The following SLC1A1 variants were observed in gnomAD, a reference collection of about 807,000 sequenced individuals.
SLC1A1 encodes excitatory amino acid transporter 3.
A neutral mutation model predicts 53.3 loss-of-function variants in SLC1A1; 43 were observed. The observed-to-expected ratio is 0.81, with a 90% CI of 0.63 to 1.04. The LOEUF is 1.04. Ranked by LOEUF, SLC1A1 falls within the 50% of genes least tolerant of loss-of-function variation. SLC1A1 has a pLI of 0.00. For missense variants in SLC1A1, 748 were observed against 664.9 expected (o/e 1.12, Z -1.37); for synonymous variants, 307 against 243.2 (o/e 1.26, Z -2.44).
intron 1 of SLC1A1, among the ~76,000 whole-genome samples, chr9:4,532,712 A>T (rs1361421102): frequency 6.6e-6 from 1 of 152,162 alleles, no homozygotes; most frequent in Non-Finnish European, 1.5e-5. Context: ...AATACAGAGA[A>T]CGCCACAAAG....
chr9:4,522,581 G>A (rs775917378), intron 1 of SLC1A1, among the ~76,000 whole-genome samples: 8 of 152,046 alleles, frequency 5.3e-5, no homozygotes, highest in African/African-American at 7.2e-5. Flanking sequence ...AAGAAATACC[G>A]GAGACTGGGT....
rs145391859 is a variant in SLC1A1, at chr9:4,524,877, G to A, written c.92-19690G>A. 4.7e-3 allele frequency among the ~76,000 whole-genome samples: 719 copies of A among 152,214 alleles called. 3 individuals are homozygous for A. Among genetic ancestry groups the A allele is most frequent in the Non-Finnish European group, 7.5e-3 (511 of 68,000 alleles). ...AGAACTAATCCAGTCCTGCCAGAGT[G>A]AGAACTCGCTACTGCAAGAATAGCA... is the stretch of plus-strand genomic sequence containing the variant. On this transcript the variant is annotated intron_variant, in intron 1 of 11. Coordinates refer to ENST00000262352, the MANE Select transcript of SLC1A1 (RefSeq NM_004170.6).
intron 1 of SLC1A1, among the ~76,000 whole-genome samples, chr9:4,536,140 A>G (rs911259090): frequency 6.6e-6 from 1 of 152,200 alleles, no homozygotes; most frequent in Non-Finnish European, 1.5e-5. Context: ...ATGGGCAAGG[A>G]CTTCATGTCT....
chr9:4,585,747 G>A lies in SLC1A1; in HGVS notation c.*189G>A. ...CTGGGTTTTGGGATTTGGGTGTGGG[G>A]TAAGTTGAAGGGAAATCAATTTAAA... On this transcript the variant is annotated 3_prime_UTR_variant, in exon 12 of 12. Coordinates refer to ENST00000262352, the MANE Select transcript of SLC1A1 (RefSeq NM_004170.6). 1.5e-6 allele frequency: 1 copy of A among 664,976 alleles called. No homozygotes were observed. The highest frequency in any genetic ancestry group is 2.5e-6 in the Non-Finnish European group (1 of 394,118). 41.2% of individuals were successfully genotyped at this position (664,976 alleles called of 1,614,324 possible). A position where few individuals can be genotyped will look rare whatever the true frequency, so the allele number is the denominator to read the frequency against.
At chr9:4,514,084 G>A (rs998462575) in intron 1 of SLC1A1, among the ~76,000 whole-genome samples, 15 of 152,190 alleles carry the variant, frequency 9.9e-5, no homozygotes, top group East Asian at 1.9e-4. Context: ...GCTCTTTGGC[G>A]TGATGGAGCT....
chr9:4,575,646 T>A (rs1820474064), intron 8 of SLC1A1, among the ~76,000 whole-genome samples: 2 of 152,168 alleles, frequency 1.3e-5, no homozygotes, highest in South Asian at 4.1e-4. Context: ...TATCTGAGTC[T>A]TAAGAGGAGA....
chr9:4,516,076 C>G (rs916586447), intron 1 of SLC1A1, among the ~76,000 whole-genome samples: 1 of 152,202 alleles, frequency 6.6e-6, no homozygotes, highest in Admixed American at 6.5e-5. Flanking sequence ...CACACTGGTA[C>G]AGGAGCTTTC....
At chr9:4,492,388 A>G (rs765633195) in intron 1 of SLC1A1, among the ~76,000 whole-genome samples, 18 of 151,736 alleles carry the variant, frequency 1.2e-4, no homozygotes, top group Non-Finnish European at 2.1e-4. Flanking sequence ...AGGCTGAGGC[A>G]GGAGAATTGC....
At chr9:4,510,521 C>G (rs551062776) in intron 1 of SLC1A1, among the ~76,000 whole-genome samples, 3 of 152,288 alleles carry the variant, frequency 2.0e-5, no homozygotes, top group African/African-American at 7.2e-5. Context: ...AGTCTAGAAA[C>G]AGTACCTGGC....
At position 4,585,485 on chromosome 9, in the gene SLC1A1, A is replaced by C; in HGVS notation, c.1502A>C (p.Lys501Thr). 1 of 1,614,240 alleles carries C rather than the reference A, an allele frequency of 6.2e-7. No individual in the cohort carries two copies. The highest frequency in any genetic ancestry group is 8.5e-7 in the Non-Finnish European group (1 of 1,180,030). Reference protein sequence around the residue: ...ILDNEDSDTKKSYVNGGFAVD... With the variant: ...ILDNEDSDTKTSYVNGGFAVD... ...GACAACGAAGACTCAGACACCAAGA[A>C]GTCTTATGTCAATGGAGGCTTTGCA... is the stretch of plus-strand genomic sequence containing the variant. The change falls in exon 12 of 12, where the codon AAG becomes ACG. Residue 501 changes from lysine to threonine, a missense_variant. Lys to Thr is a moderately conservative substitution (Grantham distance 78, BLOSUM62 -1). Transcript: ENST00000262352.
At chr9:4,513,647 T>C (rs183982570) in intron 1 of SLC1A1, among the ~76,000 whole-genome samples, 93 of 152,310 alleles carry the variant, frequency 6.1e-4, no homozygotes, top group Non-Finnish European at 1.1e-3. Context: ...TTTGGCACTT[T>C]CTTATCACCT....
intron 1 of SLC1A1, among the ~76,000 whole-genome samples, chr9:4,527,993 G>T (rs1816323819): frequency 6.6e-6 from 1 of 152,106 alleles, no homozygotes; most frequent in Non-Finnish European, 1.5e-5. Flanking sequence ...CTTATTCTGT[G>T]CATGTTATCC....
At chr9:4,531,743 C>G (rs751302873) in intron 1 of SLC1A1, among the ~76,000 whole-genome samples, 2 of 152,180 alleles carry the variant, frequency 1.3e-5, no homozygotes, top group Non-Finnish European at 2.9e-5. Context: ...CATCTGAGAA[C>G]AGGCAGACAG....
chr9:4,518,200 A>C (rs1304302592), intron 1 of SLC1A1, among the ~76,000 whole-genome samples: 6 of 127,758 alleles, frequency 4.7e-5, no homozygotes, highest in African/African-American at 1.7e-4. Context: ...TCACCATTGC[A>C]CTCCAGCCTA....
rs541639365 is a variant in SLC1A1 at position 4,505,077 on chromosome 9, C to T, written c.91+14307C>T. Among the ~76,000 whole-genome samples the T allele has an allele frequency of 7.9e-3, 1,036 of 131,834 alleles. 14 individuals carry two copies. The highest frequency in any genetic ancestry group is 0.027 in the African/African-American group (980 of 36,498). 86.5% of individuals were successfully genotyped at this position (131,834 alleles called of 152,430 possible). The stretch of plus-strand genomic sequence containing the variant: ...TTTTTTTTTTTTTGAGATACAGCCT[C>T]ACTATGTCGCCCAGGCTGGAGTGCA... On this transcript the variant is annotated intron_variant, in intron 1 of 11. Coordinates refer to ENST00000262352, the MANE Select transcript of SLC1A1 (RefSeq NM_004170.6).
chr9:4,577,621 G>A (rs528641976), intron 10 of SLC1A1, among the ~76,000 whole-genome samples: 9 of 152,148 alleles, frequency 5.9e-5, no homozygotes, highest in South Asian at 2.1e-4. Context: ...GACTACAGGC[G>A]TGCACCACCA....
intron 10 of SLC1A1, among the ~76,000 whole-genome samples, chr9:4,581,216 C>A (rs1821066799): frequency 6.6e-6 from 1 of 152,200 alleles, no homozygotes; most frequent in African/African-American, 2.4e-5. Flanking sequence ...AAGTCACAAG[C>A]CATCCTTCAA....
chr9:4,510,469 G>A (rs931553265), intron 1 of SLC1A1, among the ~76,000 whole-genome samples: 1 of 152,220 alleles, frequency 6.6e-6, no homozygotes, highest in Non-Finnish European at 1.5e-5. Context: ...GGTGTAAGGA[G>A]GCGGGGGTGA....
intron 1 of SLC1A1, among the ~76,000 whole-genome samples, chr9:4,532,127 G>A (rs1477365000): frequency 4.6e-5 from 7 of 152,106 alleles, no homozygotes; most frequent in Admixed American, 4.6e-4. Context: ...AGAAAAACTG[G>A]AAACTCTAAA....
Sources: allele counts gnomAD v4.1 joint callset (sites outside exome capture counted in the v4.1 genomes callset), GRCh38; gene constraint gnomAD v4.1.1; transcripts MANE v1.5; gene names NCBI Gene and HGNC (gene_info 2026-07-23, HGNC 2026-07-21).